The following ARID1B variants were observed in gnomAD, a reference collection of about 807,000 sequenced individuals.
ARID1B encodes AT-rich interactive domain-containing protein 1B.
In ARID1B, 30 loss-of-function variants were observed where a neutral mutation model predicts 212.3. The ratio of observed to expected loss-of-function variants is 0.14; its 90% CI spans 0.11 to 0.19. ARID1B has a LOEUF of 0.19. ARID1B is among the 10% of genes least tolerant of loss of function. The probability of loss-of-function intolerance (pLI) is 1.00; values close to 1 mark genes in which losing one functional copy is unlikely to be tolerated. For missense variants in ARID1B, 2,891 were observed against 3,204.0 expected (o/e 0.90, Z 2.36); for synonymous variants, 1,402 against 1,301.7 (o/e 1.08, Z -1.66).
At chr6:157,127,490 A>G (rs1788210063) in intron 6 of ARID1B, among the ~76,000 whole-genome samples, 1 of 151,936 alleles carries the variant, frequency 6.6e-6, no homozygotes, top group East Asian at 1.9e-4. Context: ...TCCCGTCTCT[A>G]TTAGAAATAC....
chr6:157,088,284 G>A (rs957793207), intron 5 of ARID1B, among the ~76,000 whole-genome samples: 2 of 152,300 alleles, frequency 1.3e-5, no homozygotes, highest in South Asian at 4.2e-4. Context: ...AGACCTTGGG[G>A]GAGTAGTCCA....
chr6:157,196,032 C>T (rs1196968722), intron 15 of ARID1B, 133 bp from the exon 16 acceptor site: 4 of 1,156,816 alleles, frequency 3.5e-6, no homozygotes, highest in Non-Finnish European at 4.9e-6. Flanking sequence ...CTGCATTAGC[C>T]TGGGCGACAG....
In ARID1B at chr6:156,975,619, T is replaced by C. The variant is rs557164058; in HGVS notation, c.2247+40043T>C. On this transcript the variant is annotated intron_variant, in intron 4 of 19. Transcript: ENST00000636930. ...TTGACTGTATTTTTTTTTTCTTTTT[T>C]TTTTTTTTTTTCAGTTCCTTAAAGA... 8.5e-3 allele frequency among the ~76,000 whole-genome samples: 1,279 copies of C among 149,860 alleles called. 27 individuals are homozygous for C. The highest frequency in any genetic ancestry group is 0.03 in the African/African-American group (1,216 of 40,690).
chr6:157,206,629 A>G lies in ARID1B; in HGVS notation c.5857A>G (p.Ile1953Val). ...CGGCGGGGGTGACACCACCGAGCAC[A>G]TTCAGACTCACTTTGAGAGCAAGAT... ...QLGGGDTTEH[I>V]QTHFESKMEI... The change falls in exon 20 of 20, where the codon ATT (isoleucine) becomes GTT (valine). Residue 1953 changes from isoleucine (I) to valine (V), a missense_variant. Transcript: ENST00000636930. The surrounding 1 kb of genome is among the most constrained non-coding windows in gnomAD (Gnocchi z 6.8). 1 of 1,614,026 alleles carries G rather than the reference A, an allele frequency of 6.2e-7. No individual in the cohort carries two copies. Among genetic ancestry groups the G allele is most frequent in the East Asian group, 2.2e-5 (1 of 44,870 alleles).
At chr6:156,873,672 C>T (rs1234794763) in intron 2 of ARID1B, among the ~76,000 whole-genome samples, 1 of 152,240 alleles carries the variant, frequency 6.6e-6, no homozygotes, top group African/African-American at 2.4e-5. Context: ...TGCAGCAGAG[C>T]TTTACTGCAG....
intron 4 of ARID1B, among the ~76,000 whole-genome samples, chr6:157,004,897 C>CTTTT (rs1177807875): frequency 5.9e-4 from 32 of 54,674 alleles, no homozygotes; most frequent in South Asian, 9.0e-4. Context: ...CTTCTTTTTT[C>CTTTT]TTTTTTTTTT....
rs998436593 is a variant in ARID1B at position 157,039,061 on chromosome 6, A to T, written c.2248-45601A>T. 2.6e-5 allele frequency among the ~76,000 whole-genome samples: 4 copies of T among 152,064 alleles called. No individual in the cohort carries two copies. The East Asian group carries it at 7.8e-4, about 29-fold the overall frequency. ...CCTGGCTAATTTTTTATAAAAATGC[A>T]GGTCTAACTATGTTGCCCAGGCTGG... On this transcript the variant is annotated intron_variant, in intron 4 of 19. Coordinates refer to ENST00000636930, the MANE Select transcript of ARID1B (RefSeq NM_001374828.1).
At chr6:157,110,410 C>A in intron 5 of ARID1B, 62 bp from the exon 6 acceptor site, 3 of 1,466,548 alleles carry the variant, frequency 2.0e-6, no homozygotes, top group Non-Finnish European at 2.9e-6. Flanking sequence ...CTTGGTTTTG[C>A]ATGACTGCAT....
chr6:157,039,665 C>CTTT (rs1163895927), intron 4 of ARID1B, among the ~76,000 whole-genome samples: 9 of 93,650 alleles, frequency 9.6e-5, no homozygotes, highest in African/African-American at 3.6e-4. Context: ...TTCCTTCCTT[C>CTTT]CTTCCTTCCT....
chr6:156,903,656 A>G (rs1311895764), intron 3 of ARID1B, among the ~76,000 whole-genome samples: 2 of 152,216 alleles, frequency 1.3e-5, no homozygotes, highest in Non-Finnish European at 2.9e-5. Flanking sequence ...CCCTAAATCT[A>G]TCCTGAAACA....
At chr6:156,945,529 G>A (rs189387566) in intron 4 of ARID1B, among the ~76,000 whole-genome samples, 9 of 151,908 alleles carry the variant, frequency 5.9e-5, no homozygotes, top group East Asian at 5.8e-4. Context: ...CCTGACTTGC[G>A]TAGGTAGGGA....
In ARID1B at chr6:157,083,571, A is replaced by G. The variant is rs139390124; in HGVS notation, c.2248-1091A>G. 5.1e-4 allele frequency among the ~76,000 whole-genome samples: 77 copies of G among 152,196 alleles called. 1 individual carries two copies. The East Asian group carries it at 8.7e-3, about 17-fold the overall frequency. On this transcript the variant is annotated intron_variant, in intron 4 of 19. Transcript: ENST00000636930. ...CTTCCCCTTTTCGTCTTTAGCACCT[A>G]CAGTCTGTCCTCAGTAACGTAACCT...
intron 4 of ARID1B, among the ~76,000 whole-genome samples, chr6:157,039,258 T>C (rs1291694445): frequency 6.6e-6 from 1 of 151,956 alleles, no homozygotes; most frequent in African/African-American, 2.4e-5. Context: ...TAGATGCTTT[T>C]AGCTTTTGCT....
intron 4 of ARID1B, among the ~76,000 whole-genome samples, chr6:157,077,391 G>C (rs976085535): frequency 6.6e-6 from 1 of 152,134 alleles, no homozygotes; most frequent in African/African-American, 2.4e-5. Flanking sequence ...GTAGGCCCCT[G>C]TTCCTTGGCA....
intron 4 of ARID1B, among the ~76,000 whole-genome samples, chr6:156,998,495 T>C (rs1778728593): frequency 6.6e-6 from 1 of 152,150 alleles, no homozygotes; most frequent in African/African-American, 2.4e-5. Context: ...AGTGCTGGGA[T>C]TACAGGCGTG....
At chr6:156,961,204 T>A (rs1188665140) in intron 4 of ARID1B, among the ~76,000 whole-genome samples, 2 of 152,008 alleles carry the variant, frequency 1.3e-5, no homozygotes, top group Admixed American at 1.3e-4. Flanking sequence ...TGCGACAGAG[T>A]GCGCAGGACA....
Position 157,207,103 on chromosome 6 carries a change from A to G in ARID1B, c.6331A>G (p.Arg2111Gly). 1 of 1,614,204 alleles carries G rather than the reference A, an allele frequency of 6.2e-7. No homozygotes were observed. The highest frequency in any genetic ancestry group is 8.5e-7 in the Non-Finnish European group (1 of 1,180,034). The change falls in exon 20 of 20, where the codon AGA (arginine) becomes GGA (glycine). Residue 2111 changes from arginine to glycine, a missense_variant. Coordinates refer to ENST00000636930, the MANE Select transcript of ARID1B (RefSeq NM_001374828.1). This position sits in a 1 kb window ranked among gnomAD's most constrained non-coding sequence, Gnocchi z 8.5. ...LILLHHEHPE[R>G]KRAPQTYEKE... The stretch of plus-strand genomic sequence containing the variant: ...TCTTCTTCACCACGAGCATCCAGAG[A>G]GAAAGCGAGCACCGCAGACCTATGA...
At chr6:157,055,373 C>T (rs1349143382) in intron 4 of ARID1B, among the ~76,000 whole-genome samples, 1 of 152,112 alleles carries the variant, frequency 6.6e-6, no homozygotes, top group Admixed American at 6.5e-5. Context: ...TTAAATTCAC[C>T]CGTAGAACTT....
intron 3 of ARID1B, among the ~76,000 whole-genome samples, chr6:156,934,876 T>C (rs948584233): frequency 1.2e-4 from 16 of 136,694 alleles, no homozygotes; most frequent in Non-Finnish European, 2.2e-4. Context: ...TCAAATACAG[T>C]ACTTGGTATG....
Sources: allele counts gnomAD v4.1 joint callset (sites outside exome capture counted in the v4.1 genomes callset), GRCh38; gene constraint gnomAD v4.1.1; non-coding constraint Gnocchi (gnomAD v3.1); transcripts MANE v1.5; gene names NCBI Gene and HGNC (gene_info 2026-07-23, HGNC 2026-07-21).